TMEM248: variants seen among roughly 807,000 people sequenced by gnomAD.
TMEM248 encodes the protein transmembrane protein 248.
In TMEM248, 9 loss-of-function variants were observed where a neutral mutation model predicts 30.3. That is an observed-to-expected ratio of 0.30 (90% CI 0.18 to 0.52). TMEM248 has a LOEUF of 0.52. Among genes scored for constraint, TMEM248 ranks in the 20% least tolerant of loss-of-function variants. TMEM248 has a pLI of 0.97. For synonymous variants in TMEM248, 184 were observed against 154.4 expected, an observed-to-expected ratio of 1.19 and a Z score of -1.42; for missense variants, 338 against 403.3, an observed-to-expected ratio of 0.84 and a Z score of 1.39.
At chr7:66,928,537 A>G (rs1027659274) in intron 1 of TMEM248, among the ~76,000 whole-genome samples, 6 of 152,182 alleles carry the variant, frequency 3.9e-5, no homozygotes, top group Non-Finnish European at 5.9e-5. Flanking sequence ...TCTATCTAGC[A>G]GTGTTGCAAG....
chr7:66,935,837 C>G (rs1463041164), intron 1 of TMEM248, among the ~76,000 whole-genome samples: 1 of 152,196 alleles, frequency 6.6e-6, no homozygotes, highest in Non-Finnish European at 1.5e-5. Context: ...AGCCACCATG[C>G]CTGACCTCTT....
In TMEM248 at chr7:66,958,304, G is replaced by GTT. The variant is rs1403888248; in HGVS notation, c.*2783_*2784insTT. The GTT allele has an allele frequency of 6.6e-6, 1 of 152,612 alleles. No individual in the cohort carries two copies. The highest frequency in any genetic ancestry group is 1.9e-4 in the East Asian group (1 of 5,200). The allele number at this position is 152,612 out of a possible 1,614,324, so 9.5% of individuals were successfully genotyped here. A position where few individuals can be genotyped will look rare whatever the true frequency, so the allele number is the denominator to read the frequency against. The stretch of plus-strand genomic sequence containing the variant: ...ACTTGAATCAGTTTTGATTCTATTT[G>GTT]TAAGTGTTTCTTGTCGTGAGGCACC... On this transcript the variant is annotated 3_prime_UTR_variant, in exon 7 of 7. Coordinates refer to ENST00000341567, the MANE Select transcript of TMEM248 (RefSeq NM_017994.5).
At chr7:66,947,682 A>G (rs1371938574) in intron 3 of TMEM248, among the ~76,000 whole-genome samples, 2 of 152,116 alleles carry the variant, frequency 1.3e-5, no homozygotes, top group Non-Finnish European at 2.9e-5. Context: ...GATTACAGGC[A>G]TGAGCCACCA....
In TMEM248 at chr7:66,948,698, AGT is replaced by A. The variant is rs749336105; in HGVS notation, c.596+7_596+8del. On this transcript the variant is annotated splice_donor_5th_base_variant and intron_variant, in intron 4 of 6. Transcript: ENST00000341567. Reference sequence around the variant, plus strand: ...CTGGGGTGTTCCCCGTCACTGTGTAAGTGTACCCGGCACCTGATGAACGTGCG... The same window carrying A: ...CTGGGGTGTTCCCCGTCACTGTGTAAGTACCCGGCACCTGATGAACGTGCG... The A allele has an allele frequency of 1.3e-6, 2 of 1,599,688 alleles. No individual in the cohort carries two copies. The highest frequency in any genetic ancestry group is 2.7e-5 in the African/African-American group (2 of 74,700).
At chr7:66,937,573 C>A (rs1791837242) in intron 1 of TMEM248, among the ~76,000 whole-genome samples, 1 of 152,190 alleles carries the variant, frequency 6.6e-6, no homozygotes, top group South Asian at 2.1e-4. Context: ...GTTACATCAT[C>A]TTGCTGAATT....
At chr7:66,927,546 T>C (rs1000512260) in intron 1 of TMEM248, among the ~76,000 whole-genome samples, 2 of 151,562 alleles carry the variant, frequency 1.3e-5, no homozygotes, top group African/African-American at 4.8e-5. Flanking sequence ...ACTCAACTGA[T>C]CCTCCTGCCT....
At chr7:66,931,610 A>AT (rs966830193) in intron 1 of TMEM248, among the ~76,000 whole-genome samples, 1 of 151,116 alleles carries the variant, frequency 6.6e-6, no homozygotes, top group Non-Finnish European at 1.5e-5. Context: ...TAGCTGGGCC[A>AT]TTGGTGTACA....
At chr7:66,931,119 A>G (rs1249144688) in intron 1 of TMEM248, among the ~76,000 whole-genome samples, 1 of 151,984 alleles carries the variant, frequency 6.6e-6, no homozygotes, top group African/African-American at 2.4e-5. Context: ...CCTGGCCAAC[A>G]TGGTGAAACC....
chr7:66,948,505 G>C (rs1792174500), intron 3 of TMEM248, 39 bp from the exon 4 acceptor site: 1 of 1,594,996 alleles, frequency 6.3e-7, no homozygotes, highest in Non-Finnish European at 8.5e-7. Context: ...ACAAGTACGT[G>C]GTTCTTGACT....
chr7:66,928,787 CT>C (rs2129220842), intron 1 of TMEM248, among the ~76,000 whole-genome samples: 1 of 151,246 alleles, frequency 6.6e-6, no homozygotes, highest in African/African-American at 2.4e-5. Context: ...TTTTTTTTTC[CT>C]TTTTATTTTC....
chr7:66,939,515 C>T (rs896227361), intron 1 of TMEM248, among the ~76,000 whole-genome samples: 3 of 152,168 alleles, frequency 2.0e-5, no homozygotes, highest in Non-Finnish European at 2.9e-5. Flanking sequence ...AAAATTTAAA[C>T]GCTGATACAG....
rs1292243067 is a variant in TMEM248, at chr7:66,945,409, AT to A, written c.445+151del. ...TTGTTGAGTTTGAACTACATGAACC[AT>A]TTCTGTTCCATCGTTACATGGTAAA... On this transcript the variant is annotated intron_variant, in intron 3 of 6. Transcript: ENST00000341567. 1.5e-5 allele frequency: 13 copies of A among 848,766 alleles called. No individual in the cohort carries two copies. In the Admixed American group the frequency reaches 3.5e-4, roughly 23 times the overall value. 52.6% of individuals were successfully genotyped at this position (848,766 alleles called of 1,614,324 possible).
At chr7:66,940,581 T>C (rs1316256997) in intron 1 of TMEM248, among the ~76,000 whole-genome samples, 1 of 152,170 alleles carries the variant, frequency 6.6e-6, no homozygotes, top group Non-Finnish European at 1.5e-5. Context: ...ATTGACAAGA[T>C]GATCCTGAAG....
chr7:66,929,426 A>ATTTTTTTTTTTTTTTTTTTTTTTTTT lies in TMEM248; in HGVS notation c.-19+7968_-19+7993dup, dbSNP rs35126436. ...ACAATATCATGGAAATGAGAGACAA[A>ATTTTTTTTTTTTTTTTTTTTTTTTTT]TTTTTTTTTTTTTTTTTTTTTTTTT... On this transcript the variant is annotated intron_variant, in intron 1 of 6. Transcript: ENST00000341567. Among the ~76,000 whole-genome samples, 42 of 97,674 alleles carry ATTTTTTTTTTTTTTTTTTTTTTTTTT rather than the reference A, an allele frequency of 4.3e-4. 1 individual carries two copies. Among genetic ancestry groups the ATTTTTTTTTTTTTTTTTTTTTTTTTT allele is most frequent in the East Asian group, 1.1e-3 (3 of 2,714 alleles). 64.1% of individuals were successfully genotyped at this position (97,674 alleles called of 152,430 possible).
intron 6 of TMEM248, among the ~76,000 whole-genome samples, chr7:66,954,377 T>C (rs1792352342): frequency 6.6e-6 from 1 of 151,640 alleles, no homozygotes; most frequent in Non-Finnish European, 1.5e-5. Flanking sequence ...TATTTTTGCT[T>C]TTTTAATTTT....
In TMEM248 at chr7:66,957,156, G is replaced by A. The variant is rs181303514; in HGVS notation, c.*1634G>A. On this transcript the variant is annotated 3_prime_UTR_variant, in exon 7 of 7. Coordinates refer to ENST00000341567, the MANE Select transcript of TMEM248 (RefSeq NM_017994.5). The stretch of plus-strand genomic sequence containing the variant: ...AATAACTTCTGTGTTCTCCCAGGCA[G>A]TGTTATAACAGAAGGGCAATGAAAA... The A allele has an allele frequency of 7.6e-4, 116 of 152,664 alleles. No individual in the cohort carries two copies. Among genetic ancestry groups the A allele is most frequent in the African/African-American group, 2.7e-3 (113 of 41,532 alleles). The allele number at this position is 152,664 out of a possible 1,614,324, so 9.5% of individuals were successfully genotyped here. A position where few individuals can be genotyped will look rare whatever the true frequency, so the allele number is the denominator to read the frequency against.
chr7:66,948,794 C>G, intron 4 of TMEM248, 100 bp downstream of exon 4: 1 of 1,301,738 alleles, frequency 7.7e-7, no homozygotes, highest in Non-Finnish European at 1.1e-6. Flanking sequence ...TGGCTCACTT[C>G]ACATTTCTTT....
chr7:66,931,054 G>T (rs1303456081), intron 1 of TMEM248, among the ~76,000 whole-genome samples: 1 of 152,084 alleles, frequency 6.6e-6, no homozygotes, highest in Non-Finnish European at 1.5e-5. Context: ...TGGAATCCCA[G>T]CACTTTGGGA....
rs1792402879 is a variant in TMEM248, at chr7:66,956,370, A to G, written c.*848A>G. On this transcript the variant is annotated 3_prime_UTR_variant, in exon 7 of 7. Coordinates refer to ENST00000341567, the MANE Select transcript of TMEM248 (RefSeq NM_017994.5). The stretch of plus-strand genomic sequence containing the variant: ...GCCTCTTCACTCAAAAGGGCTTCAA[A>G]ATGTAAATGGCTCTAGAGTTAGAGT... The G allele has an allele frequency of 6.6e-6, 1 of 152,196 alleles. No individual in the cohort carries two copies. Among genetic ancestry groups the G allele is most frequent in the Admixed American group, 6.5e-5 (1 of 15,280 alleles). 9.4% of individuals were successfully genotyped at this position (152,196 alleles called of 1,614,324 possible). A position where few individuals can be genotyped will look rare whatever the true frequency, so the allele number is the denominator to read the frequency against.
Sources: allele counts gnomAD v4.1 joint callset (sites outside exome capture counted in the v4.1 genomes callset), GRCh38; gene constraint gnomAD v4.1.1; transcripts MANE v1.5; gene names NCBI Gene and HGNC (gene_info 2026-07-23, HGNC 2026-07-21).